The following CARMIL1 variants were observed in gnomAD, a reference collection of about 807,000 sequenced individuals.
CARMIL1 encodes the protein capping protein regulator and myosin 1 linker 1.
CARMIL1 carries 90 observed loss-of-function variants against 177.1 expected under a neutral mutation model. That is an observed-to-expected ratio of 0.51 (90% CI 0.43 to 0.61). CARMIL1 has a LOEUF of 0.61. CARMIL1 is among the 20% of genes least tolerant of loss of function. The probability of loss-of-function intolerance (pLI) is 0.00; values close to 1 mark genes in which losing one functional copy is unlikely to be tolerated. For synonymous variants in CARMIL1, 577 were observed against 606.2 expected (o/e 0.95, Z 0.71); for missense variants, 1,380 against 1,667.0 (o/e 0.83, Z 3.00).
chr6:25,340,777 G>GTTTTTTT (rs34928775), intron 2 of CARMIL1, among the ~76,000 whole-genome samples: 1,856 of 86,052 alleles, frequency 0.022, 148 homozygotes, highest in South Asian at 0.029. Flanking sequence ...GTCAATGAAG[G>GTTTTTTT]TTTTTTTTTT....
chr6:25,360,304 AAG>A (rs1197646259), intron 2 of CARMIL1, among the ~76,000 whole-genome samples: 16 of 152,332 alleles, frequency 1.1e-4, no homozygotes, highest in African/African-American at 3.8e-4. Flanking sequence ...GAAGGAAGAA[AAG>A]AGAGACTGAC....
At chr6:25,458,485 C>CAAAAA (rs750169275) in intron 8 of CARMIL1, among the ~76,000 whole-genome samples, 12 of 68,196 alleles carry the variant, frequency 1.8e-4, no homozygotes, top group Non-Finnish European at 2.0e-4. Context: ...GACTCTGTCT[C>CAAAAA]AAAAAAAAAA....
chr6:25,483,062 T>C (rs1301126740), intron 12 of CARMIL1, among the ~76,000 whole-genome samples: 2 of 152,216 alleles, frequency 1.3e-5, no homozygotes, highest in African/African-American at 4.8e-5. Flanking sequence ...CCCAAGGCCA[T>C]ACAGAATCAA....
chr6:25,595,120 A>G (rs1300874871), intron 32 of CARMIL1, among the ~76,000 whole-genome samples: 2 of 152,200 alleles, frequency 1.3e-5, no homozygotes, highest in Non-Finnish European at 2.9e-5. Context: ...TTCCCTTAGA[A>G]GATAGTTCAG....
intron 8 of CARMIL1, chr6:25,465,653 G>A (rs1024337764): frequency 2.0e-6 from 1 of 498,144 alleles, no homozygotes; most frequent in African/African-American, 1.9e-5. Context: ...TCTTTCCTTT[G>A]GAAGTAGGAA....
At chr6:25,552,420 G>A (rs1388654701) in intron 27 of CARMIL1, among the ~76,000 whole-genome samples, 1 of 152,062 alleles carries the variant, frequency 6.6e-6, no homozygotes, top group East Asian at 1.9e-4. Flanking sequence ...CAGCAGTATA[G>A]AATACACATC....
intron 8 of CARMIL1, among the ~76,000 whole-genome samples, chr6:25,458,079 T>C (rs1258630246): frequency 6.6e-6 from 1 of 152,126 alleles, no homozygotes; most frequent in Non-Finnish European, 1.5e-5. Context: ...TAAATTCTTA[T>C]AGTCATACAG....
chr6:25,432,197 G>A (rs1796851023), intron 4 of CARMIL1, among the ~76,000 whole-genome samples: 1 of 152,120 alleles, frequency 6.6e-6, no homozygotes, highest in Non-Finnish European at 1.5e-5. Context: ...AGTGAGCTGT[G>A]TAACCAGTGA....
intron 27 of CARMIL1, among the ~76,000 whole-genome samples, chr6:25,553,599 C>G (rs1365333915): frequency 6.6e-6 from 1 of 152,192 alleles, no homozygotes; most frequent in Non-Finnish European, 1.5e-5. Context: ...GATACGCATA[C>G]TAAAGCAGTA....
At chr6:25,494,005 C>T (rs1237745089) in intron 15 of CARMIL1, among the ~76,000 whole-genome samples, 1 of 150,988 alleles carries the variant, frequency 6.6e-6, no homozygotes, top group Non-Finnish European at 1.5e-5. Flanking sequence ...CTCAAATAGT[C>T]TTCAATTGTC....
intron 36 of CARMIL1, among the ~76,000 whole-genome samples, chr6:25,612,065 T>C (rs1456501621): frequency 6.6e-6 from 1 of 152,224 alleles, no homozygotes; most frequent in Non-Finnish European, 1.5e-5. Flanking sequence ...TAGGGATGGC[T>C]GAGCTGTGGA....
chr6:25,349,571 TTA>T (rs1273499483), intron 2 of CARMIL1, among the ~76,000 whole-genome samples: 1 of 152,086 alleles, frequency 6.6e-6, no homozygotes, highest in Non-Finnish European at 1.5e-5. Flanking sequence ...CCAGAAAAAT[TTA>T]TGTTTGTGGC....
intron 7 of CARMIL1, 52 bp from the exon 8 acceptor site, chr6:25,450,586 T>A (rs1477066084): frequency 1.7e-6 from 2 of 1,177,702 alleles, no homozygotes; most frequent in Non-Finnish European, 2.5e-6. Flanking sequence ...CTCTCTTGCT[T>A]TCCTGGTCAT....
chr6:25,606,475 A>G (rs1815985485), intron 35 of CARMIL1, among the ~76,000 whole-genome samples: 1 of 152,164 alleles, frequency 6.6e-6, no homozygotes, highest in Admixed American at 6.5e-5. Flanking sequence ...GAGGCCCACC[A>G]TGTGTGAGAG....
At position 25,606,293 on chromosome 6, in the gene CARMIL1, G is replaced by A. The variant is rs1815962473; in HGVS notation, c.3847+20G>A. The stretch of plus-strand genomic sequence containing the variant: ...GGCCTGGTAAGAGTTTTGCAGTTAG[G>A]GAGTTGCATTGTGACCAGGTGGCTT... On this transcript the variant is annotated intron_variant, in intron 35 of 36. Transcript: ENST00000329474. 1 of 1,607,656 alleles carries A rather than the reference G, an allele frequency of 6.2e-7. No homozygotes were observed.
At chr6:25,294,372 C>A (rs1318182968) in intron 2 of CARMIL1, among the ~76,000 whole-genome samples, 1 of 152,126 alleles carries the variant, frequency 6.6e-6, no homozygotes, top group Non-Finnish European at 1.5e-5. Context: ...TTTATTGAGA[C>A]CTTGCCCTCA....
At chr6:25,447,807 G>T (rs980363075) in intron 5 of CARMIL1, among the ~76,000 whole-genome samples, 11 of 151,870 alleles carry the variant, frequency 7.2e-5, no homozygotes, top group Non-Finnish European at 1.6e-4. Context: ...ACTGGGGGTG[G>T]CTTGGCTTTC....
Position 25,607,183 on chromosome 6 carries a change from C to CA in CARMIL1, c.3847+917dup, listed in dbSNP as rs540171491. The stretch of plus-strand genomic sequence containing the variant: ...CCAACCAAACAAACAAAAAAACACA[C>CA]AAAAAAACACCACACACACACACAC... On this transcript the variant is annotated intron_variant, in intron 35 of 36. Transcript: ENST00000329474. Among the ~76,000 whole-genome samples, 135 of 141,358 alleles carry CA rather than the reference C, an allele frequency of 9.6e-4. 1 individual carries two copies. The highest frequency in any genetic ancestry group is 8.2e-4 in the East Asian group (4 of 4,856). The allele number at this position is 141,358 out of a possible 152,430, so 92.7% of individuals were successfully genotyped here.
intron 24 of CARMIL1, among the ~76,000 whole-genome samples, chr6:25,529,490 A>G (rs187258470): frequency 2.3e-3 from 353 of 152,302 alleles, no homozygotes; most frequent in South Asian, 0.012. Flanking sequence ...AAAACCAAAA[A>G]TCACAAGATA....
Sources: gnomAD v4.1 joint callset for allele counts (sites outside exome capture counted in the v4.1 genomes callset) on GRCh38, gnomAD v4.1.1 for gene constraint, MANE v1.5 for transcripts, NCBI Gene and HGNC (gene_info 2026-07-23, HGNC 2026-07-21) for gene names.